GALNT15: variants seen among roughly 807,000 people sequenced by gnomAD.
GALNT15 encodes UDP-GalNAc transferase T15.
In GALNT15, 67 loss-of-function variants were observed where a neutral mutation model predicts 66.8. The observed-to-expected ratio is 1.00, with a 90% CI of 0.82 to 1.23. The LOEUF (loss-of-function observed/expected upper bound fraction) is 1.23, where lower values mean the gene tolerates loss of function less well. GALNT15 is among the 50% of genes most tolerant of loss of function. The pLI is 0.00. For synonymous variants in GALNT15, 313 were observed against 311.5 expected (o/e 1.00, Z -0.05); for missense variants, 827 against 804.3 (o/e 1.03, Z -0.34).
rs1014223558 is a variant in GALNT15, at chr3:16,227,727, G to A, written c.*227G>A. 3.7e-6 allele frequency: 5 copies of A among 1,368,832 alleles called. No homozygotes were observed. In the African/African-American group the frequency reaches 6.0e-5, roughly 16 times the overall value. 84.8% of individuals were successfully genotyped at this position (1,368,832 alleles called of 1,614,324 possible). On this transcript the variant is annotated 3_prime_UTR_variant, in exon 10 of 10. Transcript: ENST00000339732. The surrounding 1 kb of genome is among the most constrained non-coding windows in gnomAD (Gnocchi z 4.5). ...AAAAAAAAGGATCCATTGTACCGTT[G>A]TCTTCATCACTGGGAAATGATTATT...
At chr3:16,242,699 A>AGGCT in the GALNT15 span, among the ~76,000 whole-genome samples, 2 of 152,186 alleles carry the variant, frequency 1.3e-5, no homozygotes, top group African/African-American at 2.4e-5. The surrounding 1 kb of genome is among the most constrained non-coding windows in gnomAD (Gnocchi z 5.6). Context: ...AGATCACTTG[A>AGGCT]GGCTGGGAGG....
chr3:16,246,641 T>C, the GALNT15 span, among the ~76,000 whole-genome samples: 1 of 152,106 alleles, frequency 6.6e-6, no homozygotes, highest in African/African-American at 2.4e-5. Context: ...TTTTAAATTG[T>C]TTTTATGAGG....
intron 1 of GALNT15, among the ~76,000 whole-genome samples, chr3:16,177,047 G>C (rs1462325135): frequency 6.6e-6 from 1 of 152,154 alleles, no homozygotes; most frequent in Non-Finnish European, 1.5e-5. Flanking sequence ...GCACCCTGGA[G>C]TTTTAACTCA....
chr3:16,211,360 A>G lies in GALNT15; in HGVS notation c.1197+119A>G. ...AGGAATGAGGCTGTGGGAAAATTAT[A>G]AAGTCATTCCTGTGTTGTGTGTCAA... On this transcript the variant is annotated intron_variant, in intron 5 of 9. Coordinates refer to ENST00000339732, the MANE Select transcript of GALNT15 (RefSeq NM_054110.5). This position sits in a 1 kb window ranked among gnomAD's most constrained non-coding sequence, Gnocchi z 4.3. 1.5e-6 allele frequency: 1 copy of G among 680,568 alleles called. No homozygotes were observed. The highest frequency in any genetic ancestry group is 2.6e-6 in the Non-Finnish European group (1 of 378,618). The allele number at this position is 680,568 out of a possible 1,614,324, so 42.2% of individuals were successfully genotyped here. A position where few individuals can be genotyped will look rare whatever the true frequency, so the allele number is the denominator to read the frequency against.
chr3:16,248,161 G>T, the GALNT15 span, among the ~76,000 whole-genome samples: 1 of 152,186 alleles, frequency 6.6e-6, no homozygotes, highest in Non-Finnish European at 1.5e-5. This position sits in a 1 kb window ranked among gnomAD's most constrained non-coding sequence, Gnocchi z 4.9. Flanking sequence ...CACATGAAAA[G>T]TTATTCTGCC....
At chr3:16,241,598 G>A in the GALNT15 span, among the ~76,000 whole-genome samples, 1 of 152,044 alleles carries the variant, frequency 6.6e-6, no homozygotes, top group African/African-American at 2.4e-5. The surrounding 1 kb of genome is among the most constrained non-coding windows in gnomAD (Gnocchi z 4.6). Context: ...GCCCAGGCTG[G>A]AGTGCAATGG....
intron 1 of GALNT15, among the ~76,000 whole-genome samples, chr3:16,194,381 T>G (rs2063610371): frequency 6.6e-6 from 1 of 152,250 alleles, no homozygotes; most frequent in African/African-American, 2.4e-5. Flanking sequence ...TTAATGGGGC[T>G]GTTTGTCTTT....
rs2063527589 is a variant in GALNT15, at chr3:16,187,296, A to G, written c.540-8464A>G. Among the ~76,000 whole-genome samples the G allele has an allele frequency of 6.6e-6, 1 of 152,022 alleles. No homozygotes were observed. The highest frequency in any genetic ancestry group is 2.4e-5 in the African/African-American group (1 of 41,362). On this transcript the variant is annotated intron_variant, in intron 1 of 9. Transcript: ENST00000339732. This position sits in a 1 kb window ranked among gnomAD's most constrained non-coding sequence, Gnocchi z 5.1. ...AAATTAGTGATTTCAAACAATAACC[A>G]TTTCTATGTTATGGTTCTATAATTT...
chr3:16,211,008 C>A lies in GALNT15; in HGVS notation c.1080-116C>A. 1.1e-5 allele frequency: 8 copies of A among 715,380 alleles called. No individual in the cohort carries two copies. The highest frequency in any genetic ancestry group is 1.7e-5 in the Non-Finnish European group (7 of 401,002). 44.3% of individuals were successfully genotyped at this position (715,380 alleles called of 1,614,324 possible). ...ATTAAAAAATTGCATTTTACCTGAG[C>A]CTAAAGCCTGTTCTCTCAGCCACTG... On this transcript the variant is annotated intron_variant, in intron 4 of 9. Coordinates refer to ENST00000339732, the MANE Select transcript of GALNT15 (RefSeq NM_054110.5). The surrounding 1 kb of genome is among the most constrained non-coding windows in gnomAD (Gnocchi z 4.3).
Position 16,183,157 on chromosome 3 carries a change from G to T in GALNT15, c.539+7467G>T, listed in dbSNP as rs144431112. ...CCCTGAACCCCTCCAGAAGTGAGCT[G>T]TGAGAGTTTGGAGAACCTGCACAAA... is the stretch of plus-strand genomic sequence containing the variant. On this transcript the variant is annotated intron_variant, in intron 1 of 9. Coordinates refer to ENST00000339732, the MANE Select transcript of GALNT15 (RefSeq NM_054110.5). This position sits in a 1 kb window ranked among gnomAD's most constrained non-coding sequence, Gnocchi z 5.2. The T allele has an allele frequency of 6.6e-6, 1 of 152,298 alleles. No individual in the cohort carries two copies. Among genetic ancestry groups the T allele is most frequent in the Non-Finnish European group, 1.5e-5 (1 of 68,126 alleles). 9.4% of individuals were successfully genotyped at this position (152,298 alleles called of 1,614,324 possible). A position where few individuals can be genotyped will look rare whatever the true frequency, so the allele number is the denominator to read the frequency against.
intron 2 of GALNT15, among the ~76,000 whole-genome samples, chr3:16,198,466 T>C (rs2135225): frequency 0.74 from 104,118 of 140,084 alleles, 43,259 homozygotes; most frequent in African/African-American, 0.89. Context: ...TTTTTAGCTG[T>C]CCCGAGAAAC....
intron 2 of GALNT15, among the ~76,000 whole-genome samples, chr3:16,196,154 A>G (rs990868952): frequency 2.6e-5 from 4 of 152,266 alleles, no homozygotes; most frequent in Middle Eastern, 6.8e-3. Context: ...CTGCAGGGGA[A>G]ACAGCCCTGG....
chr3:16,197,457 C>A (rs1267971502), intron 2 of GALNT15, among the ~76,000 whole-genome samples: 3 of 152,178 alleles, frequency 2.0e-5, no homozygotes, highest in Non-Finnish European at 4.4e-5. Context: ...TGTGTGCTTG[C>A]CAAGACCCAG....
chr3:16,192,303 A>G (rs1332764360), intron 1 of GALNT15, among the ~76,000 whole-genome samples: 2 of 152,208 alleles, frequency 1.3e-5, no homozygotes, highest in African/African-American at 2.4e-5. Flanking sequence ...CATGGCTGGC[A>G]GGCATAGCCG....
chr3:16,196,273 C>T (rs1176068200), intron 2 of GALNT15, among the ~76,000 whole-genome samples: 7 of 152,140 alleles, frequency 4.6e-5, no homozygotes, highest in Admixed American at 1.3e-4. Context: ...TCACATAGGG[C>T]GGCCCTGTTG....
Position 16,204,958 on chromosome 3 carries a change from T to TGTGTGCGCGCGC in GALNT15, c.912-3544_912-3533dup, listed in dbSNP as rs1365902598. On this transcript the variant is annotated intron_variant, in intron 3 of 9. Transcript: ENST00000339732. The surrounding 1 kb of genome is among the most constrained non-coding windows in gnomAD (Gnocchi z 4.5). Reference sequence around the variant, plus strand: ...GGGAGCGAGCATGTGCGTGCGTGTGTGTGTGCGCGCGCATGTGCGCGTCAA... The same window carrying TGTGTGCGCGCGC: ...GGGAGCGAGCATGTGCGTGCGTGTGTGTGTGCGCGCGCGTGTGCGCGCGCATGTGCGCGTCAA... 3.3e-5 allele frequency among the ~76,000 whole-genome samples: 5 copies of TGTGTGCGCGCGC among 152,124 alleles called. No homozygotes were observed. The highest frequency in any genetic ancestry group is 4.4e-5 in the Non-Finnish European group (3 of 68,014).
intron 4 of GALNT15, 42 bp downstream of exon 4, chr3:16,208,712 G>A: frequency 6.3e-7 from 1 of 1,589,680 alleles, no homozygotes. Context: ...TGCCTCCTCA[G>A]GATGGACTCT....
chr3:16,175,363 C>T lies in GALNT15; in HGVS notation c.212C>T (p.Ala71Val). The change falls in exon 1 of 10, where the codon GCT becomes GTT. Residue 71 changes from alanine to valine, a missense_variant. Coordinates refer to ENST00000339732, the MANE Select transcript of GALNT15 (RefSeq NM_054110.5). The surrounding 1 kb of genome is among the most constrained non-coding windows in gnomAD (Gnocchi z 5.6). ...GAATCCCAGGATTGGGTACTGGAAG[C>T]TGAGGATGAGGGTGAAGAGTACAGC... ...FGESQDWVLE[A>V]EDEGEEYSPL... 1 of 1,614,182 alleles carries T rather than the reference C, an allele frequency of 6.2e-7. No homozygotes were observed. Among genetic ancestry groups the T allele is most frequent in the South Asian group, 1.1e-5 (1 of 91,076 alleles).
At chr3:16,194,710 C>T (rs1320100327) in intron 1 of GALNT15, among the ~76,000 whole-genome samples, 1 of 152,160 alleles carries the variant, frequency 6.6e-6, no homozygotes, top group Non-Finnish European at 1.5e-5. Context: ...AAACATTATC[C>T]TCAGCAAATG....
Sources: allele counts gnomAD v4.1 joint callset (sites outside exome capture counted in the v4.1 genomes callset), GRCh38; gene constraint gnomAD v4.1.1; non-coding constraint Gnocchi (gnomAD v3.1); transcripts MANE v1.5; gene names NCBI Gene and HGNC (gene_info 2026-07-23, HGNC 2026-07-21).